The following HSF2BP variants were observed in gnomAD, a reference collection of about 807,000 sequenced individuals.
HSF2BP encodes heat shock transcription factor 2 binding protein.
A neutral mutation model predicts 35.0 loss-of-function variants in HSF2BP; 35 were observed. The observed-to-expected ratio is 1.00, with a 90% CI of 0.76 to 1.32. The LOEUF (loss-of-function observed/expected upper bound fraction) is 1.32, where lower values mean the gene tolerates loss of function less well. HSF2BP is among the 40% of genes most tolerant of loss of function. The probability of loss-of-function intolerance (pLI) is 0.00; values close to 1 mark genes in which losing one functional copy is unlikely to be tolerated. For synonymous variants in HSF2BP, 114 were observed against 117.4 expected, an observed-to-expected ratio of 0.97 and a Z score of 0.18; for missense variants, 326 against 321.7, an observed-to-expected ratio of 1.01 and a Z score of -0.10.
At chr21:43,575,138 C>T (rs1332572883) in intron 8 of HSF2BP, among the ~76,000 whole-genome samples, 1 of 152,194 alleles carries the variant, frequency 6.6e-6, no homozygotes, top group African/African-American at 2.4e-5. Flanking sequence ...TTTGGACCTC[C>T]GGGATTTGGA....
intron 7 of HSF2BP, among the ~76,000 whole-genome samples, chr21:43,612,523 C>T (rs1032880952): frequency 2.4e-4 from 36 of 152,068 alleles, no homozygotes; most frequent in African/African-American, 7.7e-4. Flanking sequence ...TGGTGGCGGG[C>T]GCCTGTAGTC....
intron 3 of HSF2BP, among the ~76,000 whole-genome samples, chr21:43,653,379 G>A (rs1042905525): frequency 6.6e-6 from 1 of 152,032 alleles, no homozygotes; most frequent in Non-Finnish European, 1.5e-5. Context: ...AAAATCAGGG[G>A]CCGAGATAAT....
At chr21:43,613,360 C>G (rs1166025389) in intron 7 of HSF2BP, among the ~76,000 whole-genome samples, 2 of 152,214 alleles carry the variant, frequency 1.3e-5, no homozygotes, top group Non-Finnish European at 2.9e-5. Context: ...GATTCCTCCC[C>G]TAGATTCTCT....
intron 4 of HSF2BP, among the ~76,000 whole-genome samples, chr21:43,639,659 A>G (rs558759810): frequency 6.6e-6 from 1 of 151,750 alleles, no homozygotes; most frequent in Non-Finnish European, 1.5e-5. Context: ...GACATGGAGA[A>G]AGTGAATCAC....
At chr21:43,623,794 C>CA (rs1039750647) in intron 6 of HSF2BP, among the ~76,000 whole-genome samples, 7 of 151,190 alleles carry the variant, frequency 4.6e-5, no homozygotes, top group South Asian at 2.1e-4. Flanking sequence ...GGTGATTCCG[C>CA]AAAAAAAAGA....
intron 3 of HSF2BP, among the ~76,000 whole-genome samples, chr21:43,655,870 G>A (rs1418920872): frequency 6.6e-6 from 1 of 152,218 alleles, no homozygotes; most frequent in Non-Finnish European, 1.5e-5. Flanking sequence ...TCATATTCTC[G>A]GGGTGAGCTA....
intron 7 of HSF2BP, among the ~76,000 whole-genome samples, chr21:43,596,909 A>AGAG (rs61082908): frequency 5.6e-5 from 8 of 142,754 alleles, no homozygotes; most frequent in African/African-American, 2.1e-4. Context: ...AAAAAAAGAG[A>AGAG]ATTTTTTTTT....
intron 6 of HSF2BP, among the ~76,000 whole-genome samples, chr21:43,629,040 G>A (rs2082422502): frequency 6.6e-6 from 1 of 152,160 alleles, no homozygotes; most frequent in African/African-American, 2.4e-5. Context: ...TCAATCAAGA[G>A]CCATGATGGA....
intron 8 of HSF2BP, among the ~76,000 whole-genome samples, chr21:43,583,976 T>C (rs372667925): frequency 9.8e-6 from 1 of 102,354 alleles, no homozygotes; most frequent in South Asian, 4.1e-4. Flanking sequence ...CCGAAGGAGA[T>C]GAAGGGCCTG....
the HSF2BP span, among the ~76,000 whole-genome samples, chr21:43,505,763 G>C: frequency 8.9e-6 from 1 of 112,826 alleles, no homozygotes; most frequent in Non-Finnish European, 1.9e-5. Flanking sequence ...TTACCATCCA[G>C]GTTTGCGTGT....
At chr21:43,634,651 C>T (rs559396537) in intron 4 of HSF2BP, among the ~76,000 whole-genome samples, 2 of 152,194 alleles carry the variant, frequency 1.3e-5, no homozygotes, top group South Asian at 2.1e-4. Flanking sequence ...GGAGACAATG[C>T]GTTTGGCACA....
the HSF2BP span, among the ~76,000 whole-genome samples, chr21:43,467,859 CCACA>C: frequency 6.4e-5 from 8 of 124,202 alleles, no homozygotes; most frequent in Non-Finnish European, 1.4e-4. Context: ...ACACCACACA[CCACA>C]CACACACCAA....
At chr21:43,630,283 A>G (rs2082437884) in intron 6 of HSF2BP, 39 bp downstream of exon 6, 1 of 1,569,944 alleles carries the variant, frequency 6.4e-7, no homozygotes, top group Non-Finnish European at 8.6e-7. Context: ...GTGGTCTGGA[A>G]GCAAACAGGC....
At chr21:43,615,411 G>A (rs2082258207) in intron 6 of HSF2BP, among the ~76,000 whole-genome samples, 1 of 152,174 alleles carries the variant, frequency 6.6e-6, no homozygotes, top group Non-Finnish European at 1.5e-5. Context: ...GCCTTTGACT[G>A]GATGTAATCT....
intron 6 of HSF2BP, among the ~76,000 whole-genome samples, chr21:43,618,090 T>C (rs1389112244): frequency 6.6e-6 from 1 of 151,918 alleles, no homozygotes; most frequent in East Asian, 1.9e-4. Flanking sequence ...TGAGACCCCA[T>C]CTCTACAAAA....
At chr21:43,633,526 T>G (rs2082511927) in intron 4 of HSF2BP, 105 bp from the exon 5 acceptor site, 2 of 1,019,474 alleles carry the variant, frequency 2.0e-6, no homozygotes, top group Non-Finnish European at 2.7e-6. Context: ...AATGCATGTA[T>G]AATTATAGAA....
intron 7 of HSF2BP, among the ~76,000 whole-genome samples, chr21:43,593,199 G>C (rs2081947906): frequency 6.6e-6 from 1 of 152,180 alleles, no homozygotes; most frequent in South Asian, 2.1e-4. Flanking sequence ...GCCTCAGAGA[G>C]ACACGGACAT....
At chr21:43,644,626 T>C (rs1287444865) in intron 3 of HSF2BP, among the ~76,000 whole-genome samples, 2 of 152,244 alleles carry the variant, frequency 1.3e-5, no homozygotes, top group African/African-American at 4.8e-5. Flanking sequence ...TTTTCTGTTT[T>C]GTGTTTTTAA....
intron 7 of HSF2BP, among the ~76,000 whole-genome samples, chr21:43,604,425 AC>A (rs2082094007): frequency 5.2e-5 from 6 of 116,128 alleles, no homozygotes; most frequent in African/African-American, 2.0e-4. Flanking sequence ...CACCCCACAC[AC>A]CACACCACAC....
Sources: gnomAD v4.1 joint callset for allele counts (sites outside exome capture counted in the v4.1 genomes callset) on GRCh38, gnomAD v4.1.1 for gene constraint, MANE v1.5 for transcripts, NCBI Gene and HGNC (gene_info 2026-07-23, HGNC 2026-07-21) for gene names.